Variants in SYT9 observed in about 807,000 individuals in gnomAD.
The protein encoded by SYT9 is synaptotagmin 9.
A neutral mutation model predicts 48.4 loss-of-function variants in SYT9; 22 were observed. The observed-to-expected ratio is 0.45, with a 90% CI of 0.32 to 0.65. The LOEUF (loss-of-function observed/expected upper bound fraction) is 0.65. Ranked by LOEUF, SYT9 falls within the 30% of genes least tolerant of loss-of-function variation. The pLI, the probability that SYT9 is intolerant of heterozygous loss-of-function variation, is 0.03. For synonymous variants in SYT9, 265 were observed against 245.0 expected (o/e 1.08, Z -0.76); for missense variants, 577 against 622.0 (o/e 0.93, Z 0.77).
At chr11:7,266,145 C>A (rs1848176955) in intron 1 of SYT9, among the ~76,000 whole-genome samples, 1 of 152,098 alleles carries the variant, frequency 6.6e-6, no homozygotes, top group Non-Finnish European at 1.5e-5. Context: ...TGAGCTAGCT[C>A]TGAAGGCTTC....
intron 3 of SYT9, among the ~76,000 whole-genome samples, chr11:7,344,702 G>A (rs1849770048): frequency 6.6e-6 from 1 of 152,036 alleles, no homozygotes; most frequent in African/African-American, 2.4e-5. Context: ...TTGCACCTTT[G>A]AAGAAAATAA....
At chr11:7,389,712 A>G (rs927333792) in intron 3 of SYT9, among the ~76,000 whole-genome samples, 2 of 152,188 alleles carry the variant, frequency 1.3e-5, no homozygotes, top group South Asian at 4.1e-4. Flanking sequence ...ATTAACATCT[A>G]TCACTAAGGA....
chr11:7,343,536 G>A (rs1849748807), intron 3 of SYT9, among the ~76,000 whole-genome samples: 1 of 152,136 alleles, frequency 6.6e-6, no homozygotes, highest in African/African-American at 2.4e-5. Context: ...CCTCAGCCTG[G>A]ATTTAATGGT....
intron 1 of SYT9, among the ~76,000 whole-genome samples, chr11:7,301,932 G>A (rs1276112877): frequency 6.6e-6 from 1 of 152,162 alleles, no homozygotes; most frequent in Non-Finnish European, 1.5e-5. Context: ...TGAACCTTAG[G>A]GGCATAGTCA....
At chr11:7,253,108 G>A (rs967508263) in intron 1 of SYT9, among the ~76,000 whole-genome samples, 1 of 152,242 alleles carries the variant, frequency 6.6e-6, no homozygotes, top group Non-Finnish European at 1.5e-5. Flanking sequence ...GTTGGAGGAG[G>A]GAGTTTTAGT....
At chr11:7,414,418 T>C (rs1847199406) in intron 3 of SYT9, among the ~76,000 whole-genome samples, 1 of 152,208 alleles carries the variant, frequency 6.6e-6, no homozygotes, top group East Asian at 1.9e-4. Context: ...TGGTCTCTCT[T>C]TCCTTTCTGC....
intron 1 of SYT9, among the ~76,000 whole-genome samples, chr11:7,287,238 GA>G (rs1213186134): frequency 1.3e-5 from 2 of 152,126 alleles, no homozygotes; most frequent in African/African-American, 2.4e-5. Flanking sequence ...GTGAAGGGGG[GA>G]AAAGCCCCTT....
At chr11:7,317,437 C>T (rs1194094118) in intron 3 of SYT9, among the ~76,000 whole-genome samples, 3 of 152,162 alleles carry the variant, frequency 2.0e-5, no homozygotes, top group Non-Finnish European at 4.4e-5. Context: ...GTGAGGCTCT[C>T]TTCCTGGCTC....
rs544856976 is a variant in SYT9, at chr11:7,351,391, G to A, written c.1044+37450G>A. On this transcript the variant is annotated intron_variant, in intron 3 of 6. Coordinates refer to ENST00000318881, the MANE Select transcript of SYT9 (RefSeq NM_175733.4). The stretch of plus-strand genomic sequence containing the variant: ...GAGGCTTTGGGCAGCCTGTCCGATG[G>A]CAGCCACCTAATGTAGGATGCAGTG... Among the ~76,000 whole-genome samples, 13 of 152,276 alleles carry A rather than the reference G, an allele frequency of 8.5e-5. No individual in the cohort carries two copies. In the South Asian group the frequency reaches 2.7e-3, roughly 32 times the overall value.
Position 7,466,167 on chromosome 11 carries a change from C to A in SYT9, c.1468-625C>A, listed in dbSNP as rs150428553. Among the ~76,000 whole-genome samples the A allele has an allele frequency of 4.5e-3, 692 of 152,324 alleles. 3 individuals carry two copies. Among genetic ancestry groups the A allele is most frequent in the Non-Finnish European group, 7.6e-3 (517 of 68,026 alleles). ...GTCTCTTTCCTCTACCCCAAGTGAC[C>A]CTTCTTCTTTCCAGAGGGATTCCTC... On this transcript the variant is annotated intron_variant, in intron 6 of 6. Coordinates refer to ENST00000318881, the MANE Select transcript of SYT9 (RefSeq NM_175733.4).
intron 4 of SYT9, 64 bp from the exon 5 acceptor site, chr11:7,417,893 T>C: frequency 6.5e-7 from 1 of 1,544,366 alleles, no homozygotes; most frequent in Non-Finnish European, 8.8e-7. Context: ...CTCACAGTGA[T>C]ATAACTGCCC....
chr11:7,306,348 C>T (rs969249927), intron 2 of SYT9, among the ~76,000 whole-genome samples: 3 of 152,192 alleles, frequency 2.0e-5, no homozygotes, highest in African/African-American at 7.2e-5. Context: ...TGTAACACTT[C>T]AGTTTTTCAA....
At chr11:7,409,549 C>T (rs558088457) in intron 3 of SYT9, among the ~76,000 whole-genome samples, 2 of 152,176 alleles carry the variant, frequency 1.3e-5, no homozygotes, top group Admixed American at 1.3e-4. Context: ...AATCTTGCTA[C>T]TCGTTATTGG....
At chr11:7,313,270 A>AC in intron 2 of SYT9, 125 bp from the exon 3 acceptor site, 1 of 996,214 alleles carries the variant, frequency 1.0e-6, no homozygotes, top group Non-Finnish European at 1.4e-6. Context: ...CACACACACA[A>AC]AAAAGGCCCA....
intron 1 of SYT9, among the ~76,000 whole-genome samples, chr11:7,298,694 C>T (rs1283911530): frequency 6.6e-6 from 1 of 151,676 alleles, no homozygotes; most frequent in Non-Finnish European, 1.5e-5. Flanking sequence ...TCTAGTATTA[C>T]AGGTGTCCAG....
intron 3 of SYT9, among the ~76,000 whole-genome samples, chr11:7,355,207 C>T (rs1262672533): frequency 6.6e-6 from 1 of 152,160 alleles, no homozygotes; most frequent in Non-Finnish European, 1.5e-5. Flanking sequence ...TGGGAGTTTC[C>T]CAGCAGGCAC....
At chr11:7,333,218 G>C (rs1446859629) in intron 3 of SYT9, among the ~76,000 whole-genome samples, 1 of 152,142 alleles carries the variant, frequency 6.6e-6, no homozygotes, top group Admixed American at 6.5e-5. Context: ...GTGAGAGGGA[G>C]GGGAAGGTAG....
At position 7,364,919 on chromosome 11, in the gene SYT9, A is replaced by C. The variant is rs193155854; in HGVS notation, c.1044+50978A>C. 3.9e-4 allele frequency among the ~76,000 whole-genome samples: 59 copies of C among 152,296 alleles called. No homozygotes were observed. The East Asian group carries it at 9.4e-3, about 24-fold the overall frequency. On this transcript the variant is annotated intron_variant, in intron 3 of 6. Transcript: ENST00000318881. The stretch of plus-strand genomic sequence containing the variant: ...TAGAGGGAAAAAGGAAAGAAAAAAG[A>C]ATCTGTCCTAAACTGAACCTTTGTT...
intron 1 of SYT9, among the ~76,000 whole-genome samples, chr11:7,271,775 G>A (rs556426036): frequency 1.3e-3 from 193 of 152,044 alleles, no homozygotes; most frequent in Middle Eastern, 3.4e-3. Context: ...GTGGGGTTTC[G>A]CCGTGTTAGC....
Sources: allele counts gnomAD v4.1 joint callset (sites outside exome capture counted in the v4.1 genomes callset), GRCh38; gene constraint gnomAD v4.1.1; transcripts MANE v1.5; gene names NCBI Gene and HGNC (gene_info 2026-07-23, HGNC 2026-07-21).